Variants in CYFIP1 observed in about 807,000 individuals in gnomAD.
CYFIP1 encodes cytoplasmic FMR1 interacting protein 1, also known as cytoplasmic FMR1-interacting protein 1.
In CYFIP1, 58 loss-of-function variants were observed where a neutral mutation model predicts 163.5. The observed-to-expected ratio is 0.35, with a 90% CI of 0.29 to 0.44. The LOEUF (loss-of-function observed/expected upper bound fraction) is 0.44. Among genes scored for constraint, CYFIP1 ranks in the 20% least tolerant of loss-of-function variants. The pLI is 1.00. For synonymous variants in CYFIP1, 663 were observed against 660.7 expected (o/e 1.00, Z -0.05); for missense variants, 1,338 against 1,653.8 (o/e 0.81, Z 3.31).
intron 30 of CYFIP1, 67 bp from the exon 31 acceptor site, chr15:22,870,259 T>C: frequency 2.0e-6 from 3 of 1,498,778 alleles, no homozygotes; most frequent in South Asian, 2.5e-5. Context: ...TGTTTCAAAA[T>C]GTCAGGATTC....
chr15:22,878,900 A>T (rs567176462), intron 26 of CYFIP1, among the ~76,000 whole-genome samples: 1 of 152,086 alleles, frequency 6.6e-6, no homozygotes, highest in Admixed American at 6.5e-5. Flanking sequence ...ACTTTGGGAG[A>T]CCAAGGCGGG....
intron 3 of CYFIP1, chr15:22,946,727 G>C (rs761170654): frequency 1.6e-5 from 10 of 617,258 alleles, no homozygotes; most frequent in Non-Finnish European, 3.0e-5. Flanking sequence ...TGTGGGTGCA[G>C]ATCTGGAGAG....
intron 1 of CYFIP1, among the ~76,000 whole-genome samples, chr15:22,966,792 G>A (rs996184812): frequency 3.3e-5 from 5 of 151,418 alleles, no homozygotes; most frequent in Non-Finnish European, 5.9e-5. Flanking sequence ...TTGGCAGCAT[G>A]TGGAAAGACC....
chr15:22,892,292 G>A (rs62008564), intron 23 of CYFIP1, among the ~76,000 whole-genome samples: 1,599 of 152,284 alleles, frequency 0.011, 13 homozygotes, highest in Non-Finnish European at 0.016. Flanking sequence ...TGCTTGAAAC[G>A]TGAAGAAACT....
At chr15:22,960,771 C>T (rs567700664) in intron 1 of CYFIP1, among the ~76,000 whole-genome samples, 18 of 152,296 alleles carry the variant, frequency 1.2e-4, no homozygotes, top group African/African-American at 3.1e-4. Context: ...CACATCTGGG[C>T]GGAAAAGCCT....
chr15:22,970,211 A>C (rs74546021), intron 1 of CYFIP1, among the ~76,000 whole-genome samples: 17,136 of 152,146 alleles, frequency 0.11, 1,071 homozygotes, highest in Non-Finnish European at 0.12. Context: ...AAATGGCTAA[A>C]TACAAGTTTC....
chr15:22,952,911 T>A (rs1457755781), intron 1 of CYFIP1, among the ~76,000 whole-genome samples: 1 of 152,210 alleles, frequency 6.6e-6, no homozygotes, highest in Non-Finnish European at 1.5e-5. Context: ...TGCGGAGTGC[T>A]GGCCAGGGCC....
At chr15:22,939,580 A>AAAAAC in intron 6 of CYFIP1, 73 bp from the exon 7 acceptor site, 1 of 986,372 alleles carries the variant, frequency 1.0e-6, no homozygotes. Flanking sequence ...AAAAAAAAAA[A>AAAAAC]AGCCTGGTTC....
chr15:22,913,591 T>C (rs1376198900), intron 17 of CYFIP1, among the ~76,000 whole-genome samples: 9 of 56,298 alleles, frequency 1.6e-4, no homozygotes, highest in African/African-American at 6.4e-4. Context: ...CCAACGGAAG[T>C]ACATAGACAG....
In CYFIP1 at chr15:22,916,516, G is replaced by A; in HGVS notation, c.1789C>T (p.Arg597Ter). The change falls in exon 16 of 31, where the codon CGA becomes TGA. Residue 597 changes from arginine (R) to a stop codon, truncating the protein, a stop_gained. Coordinates refer to ENST00000617928, the MANE Select transcript of CYFIP1 (RefSeq NM_014608.6). LOFTEE classifies it high-confidence loss of function. ...PTILDIEKFH[R>*]ESFFYTHLIN... ...AAGTGAGTGTAGAAGAATGACTCTCGATGAAATTTTTCTATGTCCAATATG... is the reference window on the plus strand; with the variant it reads ...AAGTGAGTGTAGAAGAATGACTCTCAATGAAATTTTTCTATGTCCAATATG... 1 of 1,613,754 alleles carries A rather than the reference G, an allele frequency of 6.2e-7. No homozygotes were observed. The highest frequency in any genetic ancestry group is 8.5e-7 in the Non-Finnish European group (1 of 1,179,830).
intron 22 of CYFIP1, among the ~76,000 whole-genome samples, chr15:22,896,527 C>G (rs528319867): frequency 6.6e-6 from 1 of 151,576 alleles, no homozygotes; most frequent in Non-Finnish European, 1.5e-5. Flanking sequence ...TCATTTTTTT[C>G]TTTTGGTGCT....
At chr15:22,923,403 G>A (rs556387126) in intron 13 of CYFIP1, among the ~76,000 whole-genome samples, 13 of 152,210 alleles carry the variant, frequency 8.5e-5, no homozygotes, top group Non-Finnish European at 1.3e-4. Context: ...AATCAAAAGC[G>A]CAATGAAATG....
intron 30 of CYFIP1, among the ~76,000 whole-genome samples, chr15:22,872,468 A>G (rs967890877): frequency 3.3e-5 from 5 of 152,192 alleles, no homozygotes; most frequent in Non-Finnish European, 5.9e-5. Flanking sequence ...CCAGAATTCA[A>G]CTATGAGGGA....
intron 1 of CYFIP1, among the ~76,000 whole-genome samples, chr15:22,948,808 TAAAAAA>T (rs3083516): frequency 7.2e-6 from 1 of 139,706 alleles, no homozygotes; most frequent in South Asian, 2.2e-4. Context: ...TACTGAAATG[TAAAAAA>T]AAAAAAAAAC....
chr15:22,892,983 C>A lies in CYFIP1; in HGVS notation c.2589-6G>T, dbSNP rs367612427. The A allele has an allele frequency of 5.5e-5, 88 of 1,605,642 alleles. No individual in the cohort carries two copies. In the African/African-American group the frequency reaches 1.1e-3, roughly 19 times the overall value. ...GTAACACTGTCCGAACAAACCTAAA[C>A]AAGAAAGATTTAAAAAAGAAAAAGA... is the stretch of plus-strand genomic sequence containing the variant. On this transcript the variant is annotated splice_polypyrimidine_tract_variant and splice_region_variant and intron_variant, in intron 22 of 30. Transcript: ENST00000617928.
At chr15:22,870,641 G>A (rs1041190664) in intron 30 of CYFIP1, among the ~76,000 whole-genome samples, 2 of 152,248 alleles carry the variant, frequency 1.3e-5, no homozygotes, top group African/African-American at 2.4e-5. Context: ...TGCAACAGTT[G>A]GAAGGATGAA....
At chr15:22,942,908 C>T (rs574719799) in intron 6 of CYFIP1, among the ~76,000 whole-genome samples, 3 of 152,276 alleles carry the variant, frequency 2.0e-5, no homozygotes, top group Admixed American at 1.3e-4. Context: ...CCCAGGGGCT[C>T]GAAGGTCCTC....
intron 1 of CYFIP1, among the ~76,000 whole-genome samples, chr15:22,972,233 C>T (rs1054820212): frequency 1.3e-5 from 2 of 152,102 alleles, no homozygotes; most frequent in South Asian, 2.1e-4. Context: ...GGCAGGAGTT[C>T]GAGACCAGCC....
chr15:22,934,255 C>T (rs1214373693), intron 9 of CYFIP1, among the ~76,000 whole-genome samples: 9 of 121,882 alleles, frequency 7.4e-5, no homozygotes, highest in Admixed American at 1.1e-4. Context: ...GGCGTGATCT[C>T]GGCTCACTGC....
Sources: gnomAD v4.1 joint callset for allele counts (sites outside exome capture counted in the v4.1 genomes callset) on GRCh38, gnomAD v4.1.1 for gene constraint, MANE v1.5 for transcripts, NCBI Gene and HGNC (gene_info 2026-07-23, HGNC 2026-07-21) for gene names.